Variants in ANO10 observed in about 807,000 individuals in gnomAD.
ANO10 encodes the protein anoctamin-10.
Under a neutral mutation model 74.7 loss-of-function variants are expected in ANO10, and 77 were observed. The observed-to-expected ratio is 1.03, with a 90% CI of 0.86 to 1.25. The LOEUF is 1.25. Among genes scored for constraint, ANO10 ranks in the 50% most tolerant of loss-of-function variants. ANO10 has a pLI of 0.00. For missense variants in ANO10, 721 were observed against 778.1 expected, an observed-to-expected ratio of 0.93 and a Z score of 0.87; for synonymous variants, 279 against 284.9, an observed-to-expected ratio of 0.98 and a Z score of 0.21.
At chr3:43,423,198 A>G (rs2092846645) in intron 12 of ANO10, among the ~76,000 whole-genome samples, 1 of 152,082 alleles carries the variant, frequency 6.6e-6, no homozygotes, top group Non-Finnish European at 1.5e-5. Context: ...ATTCTTCAGA[A>G]TGCATTCTCT....
chr3:43,538,048 G>A (rs1312728266), intron 11 of ANO10, among the ~76,000 whole-genome samples: 1 of 152,074 alleles, frequency 6.6e-6, no homozygotes, highest in African/African-American at 2.4e-5. Flanking sequence ...TTAAGATCTG[G>A]TCAAATTTAT....
chr3:43,459,833 T>C (rs1249033677), intron 11 of ANO10, among the ~76,000 whole-genome samples: 1 of 152,164 alleles, frequency 6.6e-6, no homozygotes. Context: ...AACTACATAG[T>C]TGGTACTACT....
chr3:43,662,140 G>C (rs1348024836), intron 1 of ANO10, among the ~76,000 whole-genome samples: 1 of 152,126 alleles, frequency 6.6e-6, no homozygotes, highest in Non-Finnish European at 1.5e-5. Context: ...TTCTAAAAGT[G>C]ACCACATAAT....
At chr3:43,623,297 C>T (rs1257496969), upstream of ANO10, among the ~76,000 whole-genome samples, 5 of 152,136 alleles carry the variant, frequency 3.3e-5, no homozygotes, top group Non-Finnish European at 7.4e-5. Context: ...TATAATTGTT[C>T]TATTTTATTA....
At chr3:43,483,238 C>G (rs752561858) in intron 11 of ANO10, among the ~76,000 whole-genome samples, 10 of 152,178 alleles carry the variant, frequency 6.6e-5, no homozygotes. Context: ...GTAACTCTAG[C>G]AAGAGTAAAA....
intron 7 of ANO10, among the ~76,000 whole-genome samples, chr3:43,569,105 C>G (rs1251783480): frequency 4.8e-5 from 7 of 144,584 alleles, no homozygotes; most frequent in East Asian, 2.0e-4. Flanking sequence ...ATAAATTCCT[C>G]GACACATACA....
chr3:43,375,685 A>G (rs183585350), intron 12 of ANO10, among the ~76,000 whole-genome samples: 1 of 152,218 alleles, frequency 6.6e-6, no homozygotes. Context: ...TGAATCCTTG[A>G]AGTCACAACT....
chr3:43,530,556 C>T (rs1377345768), intron 11 of ANO10, among the ~76,000 whole-genome samples: 1 of 151,718 alleles, frequency 6.6e-6, no homozygotes, highest in Non-Finnish European at 1.5e-5. Context: ...GTTTCAGATA[C>T]CCGTGGTCAA....
intron 11 of ANO10, among the ~76,000 whole-genome samples, chr3:43,495,885 T>C (rs1384098464): frequency 6.6e-6 from 1 of 152,008 alleles, no homozygotes. Context: ...GTATTTTTAG[T>C]AGAGACGGGG....
At chr3:43,395,758 T>C (rs2148857049) in intron 12 of ANO10, among the ~76,000 whole-genome samples, 1 of 143,720 alleles carries the variant, frequency 7.0e-6, no homozygotes, top group East Asian at 2.0e-4. Flanking sequence ...AGAAGCAAGT[T>C]CATCAACTTC....
chr3:43,428,796 C>CAAAAAAAAAAAAAAAAAAAAAA lies in ANO10; in HGVS notation c.1914+3793_1914+3814dup, dbSNP rs56213626. Among the ~76,000 whole-genome samples the CAAAAAAAAAAAAAAAAAAAAAA allele has an allele frequency of 1.8e-4, 10 of 55,440 alleles. 1 individual carries two copies. The highest frequency in any genetic ancestry group is 3.0e-4 in the Admixed American group (1 of 3,320). The allele number at this position is 55,440 out of a possible 152,430, so 36.4% of individuals were successfully genotyped here. On this transcript the variant is annotated intron_variant, in intron 12 of 12. Transcript: ENST00000292246. The stretch of plus-strand genomic sequence containing the variant: ...CCAAAATCCTGAAACTTTGTGAATG[C>CAAAAAAAAAAAAAAAAAAAAAA]AAAAAAAAAAAAAAAAAAAAAAGTC...
intron 7 of ANO10, among the ~76,000 whole-genome samples, chr3:43,574,419 C>T (rs1309540564): frequency 1.3e-5 from 2 of 151,692 alleles, no homozygotes; most frequent in Non-Finnish European, 2.9e-5. Context: ...TACAGGCCTG[C>T]GTCATCATAG....
chr3:43,378,460 T>C (rs1014225006), intron 12 of ANO10, among the ~76,000 whole-genome samples: 1 of 152,204 alleles, frequency 6.6e-6, no homozygotes, highest in Non-Finnish European at 1.5e-5. Flanking sequence ...ATGTTTCCCA[T>C]CACCTTTACA....
At chr3:43,649,817 GC>G (rs1370632498) in intron 1 of ANO10, among the ~76,000 whole-genome samples, 1 of 152,178 alleles carries the variant, frequency 6.6e-6, no homozygotes, top group Non-Finnish European at 1.5e-5. Flanking sequence ...CAGGGGTGTG[GC>G]TTGTCTGTTC....
chr3:43,555,727 A>C (rs2079714906), intron 9 of ANO10, among the ~76,000 whole-genome samples: 1 of 152,108 alleles, frequency 6.6e-6, no homozygotes, highest in South Asian at 2.1e-4. Flanking sequence ...TTTCAAATTA[A>C]TAAACATTAT....
At chr3:43,421,348 T>C (rs1484194020) in intron 12 of ANO10, among the ~76,000 whole-genome samples, 1 of 151,038 alleles carries the variant, frequency 6.6e-6, no homozygotes, top group African/African-American at 2.4e-5. Flanking sequence ...TGGTGAAACT[T>C]TGTTTCTACA....
chr3:43,655,996 C>T (rs2083845528), intron 1 of ANO10, among the ~76,000 whole-genome samples: 1 of 66,566 alleles, frequency 1.5e-5, no homozygotes, highest in Non-Finnish European at 3.0e-5. Context: ...CTGAGCTAGA[C>T]ATAAAGGTTC....
chr3:43,402,923 C>T (rs201256975), intron 12 of ANO10, among the ~76,000 whole-genome samples: 2 of 152,142 alleles, frequency 1.3e-5, no homozygotes, highest in East Asian at 3.8e-4. Context: ...AATATAGGAA[C>T]ATTTTGCCAG....
intron 12 of ANO10, among the ~76,000 whole-genome samples, chr3:43,426,761 G>C (rs2092905916): frequency 6.6e-6 from 1 of 152,234 alleles, no homozygotes; most frequent in Admixed American, 6.5e-5. Flanking sequence ...GATATTTACT[G>C]TCTACAATTC....
Sources: gnomAD v4.1 joint callset for allele counts (sites outside exome capture counted in the v4.1 genomes callset) on GRCh38, gnomAD v4.1.1 for gene constraint, MANE v1.5 for transcripts, NCBI Gene and HGNC (gene_info 2026-07-23, HGNC 2026-07-21) for gene names.